PDZRN3: variants seen among roughly 807,000 people sequenced by gnomAD.
The protein encoded by PDZRN3 is E3 ubiquitin-protein ligase PDZRN3.
PDZRN3 carries 38 observed loss-of-function variants against 85.7 expected under a neutral mutation model. That is an observed-to-expected ratio of 0.44 (90% CI 0.34 to 0.58). PDZRN3 has a LOEUF of 0.58. Ranked by LOEUF, PDZRN3 falls within the 20% of genes least tolerant of loss-of-function variation. The pLI is 0.01. For missense variants in PDZRN3, 1,629 were observed against 1,506.4 expected, an observed-to-expected ratio of 1.08 and a Z score of -1.35; for synonymous variants, 759 against 638.0, an observed-to-expected ratio of 1.19 and a Z score of -2.86.
chr3:73,517,031 G>C (rs924159637), intron 3 of PDZRN3, among the ~76,000 whole-genome samples: 1 of 152,156 alleles, frequency 6.6e-6, no homozygotes, highest in Non-Finnish European at 1.5e-5. Context: ...CATCACGAAA[G>C]GGAGAATACA....
At chr3:73,530,527 A>G (rs1575713398) in intron 3 of PDZRN3, among the ~76,000 whole-genome samples, 3 of 152,206 alleles carry the variant, frequency 2.0e-5, no homozygotes, top group African/African-American at 7.2e-5. Context: ...GATCTTGTAA[A>G]AAGTCCTGGT....
chr3:73,574,108 G>A (rs1300888631), intron 3 of PDZRN3, among the ~76,000 whole-genome samples: 1 of 152,228 alleles, frequency 6.6e-6, no homozygotes, highest in Non-Finnish European at 1.5e-5. Context: ...TAACATCACA[G>A]AGAAGTAACA....
At chr3:73,398,428 C>T (rs560747181) in intron 5 of PDZRN3, among the ~76,000 whole-genome samples, 1 of 152,198 alleles carries the variant, frequency 6.6e-6, no homozygotes, top group Admixed American at 6.5e-5. Context: ...TAATGGGCAC[C>T]GAGGTACCTA....
chr3:73,540,484 T>A (rs1704894535), intron 3 of PDZRN3, among the ~76,000 whole-genome samples: 1 of 152,194 alleles, frequency 6.6e-6, no homozygotes, highest in African/African-American at 2.4e-5. Flanking sequence ...ATGGTTCCCA[T>A]CATCCCCACG....
chr3:73,540,397 A>C (rs1160954138), intron 3 of PDZRN3, among the ~76,000 whole-genome samples: 1 of 152,170 alleles, frequency 6.6e-6, no homozygotes, highest in Non-Finnish European at 1.5e-5. Flanking sequence ...ACTACCCTCT[A>C]TATTGGACAT....
Position 73,383,748 on chromosome 3 carries a change from C to G in PDZRN3, c.2818G>C (p.Asp940His). The change falls in exon 10 of 10, where the codon GAC (aspartate) becomes CAC (histidine). Residue 940 changes from aspartate to histidine, a missense_variant. By Grantham distance (81) the Asp-to-His change is moderately conservative (BLOSUM62 -1). Coordinates refer to ENST00000263666, the MANE Select transcript of PDZRN3 (RefSeq NM_015009.3). ...AGGGCGCGCTCCCGCAGCAGGCGGTCCCGCACGGGCCTCTTGGTGATGTAG... is the reference window on the plus strand; with the variant it reads ...AGGGCGCGCTCCCGCAGCAGGCGGTGCCGCACGGGCCTCTTGGTGATGTAG... ...TRYITKRPVRDRLLRERALKI... is the reference protein window; with the variant it reads ...TRYITKRPVRHRLLRERALKI... 6.2e-7 allele frequency: 1 copy of G among 1,612,452 alleles called. No homozygotes were observed. Among genetic ancestry groups the G allele is most frequent in the South Asian group, 1.1e-5 (1 of 91,040 alleles).
chr3:73,451,317 G>C (rs1006870100), intron 3 of PDZRN3, among the ~76,000 whole-genome samples: 5 of 152,214 alleles, frequency 3.3e-5, no homozygotes, highest in Non-Finnish European at 1.5e-5. Flanking sequence ...GTCAATATTT[G>C]TGTTGTTGGG....
intron 3 of PDZRN3, among the ~76,000 whole-genome samples, chr3:73,557,325 G>A (rs909109503): frequency 6.6e-6 from 1 of 152,206 alleles, no homozygotes; most frequent in African/African-American, 2.4e-5. Flanking sequence ...TCTGTGGGGT[G>A]TGTCATATTA....
chr3:73,512,785 G>C (rs1480643606), intron 3 of PDZRN3, among the ~76,000 whole-genome samples: 1 of 152,022 alleles, frequency 6.6e-6, no homozygotes. Flanking sequence ...CCTCATTCTT[G>C]AACATGATGA....
At position 73,527,023 on chromosome 3, in the gene PDZRN3, T is replaced by A. The variant is rs562400769; in HGVS notation, c.918+75331A>T. 1.5e-4 allele frequency among the ~76,000 whole-genome samples: 23 copies of A among 152,282 alleles called. 1 individual carries two copies. The South Asian group carries it at 4.8e-3, about 32-fold the overall frequency. ...ATCACCACCCCCAGCTAATTTTTTT[T>A]ATTTTTAGTAGGTGTTGCCATGCTG... On this transcript the variant is annotated intron_variant, in intron 3 of 9. Coordinates refer to ENST00000263666, the MANE Select transcript of PDZRN3 (RefSeq NM_015009.3).
intron 3 of PDZRN3, among the ~76,000 whole-genome samples, chr3:73,570,243 GA>G (rs963059896): frequency 6.6e-5 from 10 of 152,024 alleles, no homozygotes; most frequent in African/African-American, 2.4e-4. Flanking sequence ...ATGAATGAAT[GA>G]AAAAACAAAT....
At chr3:73,529,347 G>A (rs1704601185) in intron 3 of PDZRN3, among the ~76,000 whole-genome samples, 1 of 152,176 alleles carries the variant, frequency 6.6e-6, no homozygotes, top group African/African-American at 2.4e-5. Flanking sequence ...ACTGTACCAA[G>A]CCAGGGCAAA....
At chr3:73,443,045 G>A (rs1469678881) in intron 3 of PDZRN3, among the ~76,000 whole-genome samples, 2 of 152,158 alleles carry the variant, frequency 1.3e-5, no homozygotes, top group Non-Finnish European at 2.9e-5. Context: ...AAGTGGGGGC[G>A]TGGGAATCCG....
intron 5 of PDZRN3, among the ~76,000 whole-genome samples, chr3:73,393,727 T>C (rs1449033090): frequency 6.6e-6 from 1 of 152,204 alleles, no homozygotes; most frequent in Non-Finnish European, 1.5e-5. Context: ...CGTTCCTTGC[T>C]TGTATTTCTT....
At chr3:73,432,131 T>C (rs1702444752) in intron 3 of PDZRN3, among the ~76,000 whole-genome samples, 1 of 152,220 alleles carries the variant, frequency 6.6e-6, no homozygotes, top group African/African-American at 2.4e-5. Context: ...CAGAACCACC[T>C]TGCCCAAATG....
chr3:73,596,888 C>A (rs1447254559), intron 3 of PDZRN3, among the ~76,000 whole-genome samples: 1 of 152,070 alleles, frequency 6.6e-6, no homozygotes, highest in Non-Finnish European at 1.5e-5. Flanking sequence ...ACATGAATTT[C>A]CTAGTTTAGA....
intron 3 of PDZRN3, among the ~76,000 whole-genome samples, chr3:73,562,977 G>T: frequency 2.7e-5 from 2 of 72,854 alleles, no homozygotes; most frequent in Admixed American, 2.0e-4. Context: ...GCTGCAAGTT[G>T]GCAAATTATA....
At chr3:73,504,090 T>C (rs1704029809) in intron 3 of PDZRN3, among the ~76,000 whole-genome samples, 1 of 152,214 alleles carries the variant, frequency 6.6e-6, no homozygotes, top group Admixed American at 6.5e-5. Context: ...GAAATTAATA[T>C]TACACTGCTG....
rs377322198 is a variant in PDZRN3, at chr3:73,432,147, G to A, written c.919-27752C>T. On this transcript the variant is annotated intron_variant, in intron 3 of 9. Transcript: ENST00000263666. ...AGAACCACCTTGCCCAAATGGCAGC[G>A]TCTGCTGTTCCACTTGTTTCCTGCC... Among the ~76,000 whole-genome samples, 10 of 152,288 alleles carry A rather than the reference G, an allele frequency of 6.6e-5. 1 individual carries two copies. The South Asian group carries it at 1.5e-3, about 22-fold the overall frequency.
Sources: allele counts gnomAD v4.1 joint callset (sites outside exome capture counted in the v4.1 genomes callset), GRCh38; gene constraint gnomAD v4.1.1; transcripts MANE v1.5; gene names NCBI Gene and HGNC (gene_info 2026-07-23, HGNC 2026-07-21).